DACH2: variants seen among roughly 807,000 people sequenced by gnomAD.
DACH2 encodes the protein dachshund homolog 2.
A neutral mutation model predicts 35.8 loss-of-function variants in DACH2; 17 were observed. The ratio of observed to expected loss-of-function variants is 0.48; its 90% confidence interval spans 0.33 to 0.71. DACH2 has a LOEUF of 0.71. DACH2 is among the 30% of genes least tolerant of loss of function. The pLI, the probability that DACH2 is intolerant of heterozygous loss-of-function variation, is 0.02. For synonymous variants in DACH2, 195 were observed against 177.3 expected, an observed-to-expected ratio of 1.10 and a Z score of -0.79; for missense variants, 469 against 472.7, an observed-to-expected ratio of 0.99 and a Z score of 0.07.
intron 2 of DACH2, among the ~76,000 whole-genome samples, chrX:86,491,248 T>C (rs1347743957): frequency 8.9e-6 from 1 of 111,844 alleles, no homozygotes; most frequent in Non-Finnish European, 1.9e-5. Context: ...TTCAGTCTCA[T>C]GGACATACAT....
chrX:86,194,153 T>C (rs890553460), intron 1 of DACH2, among the ~76,000 whole-genome samples: 1 of 111,332 alleles, frequency 9.0e-6, no homozygotes, highest in African/African-American at 3.3e-5. Flanking sequence ...AATTTGACTA[T>C]TGAAGACTAA....
intron 3 of DACH2, among the ~76,000 whole-genome samples, chrX:86,581,805 C>A (rs1215934072): frequency 9.0e-6 from 1 of 111,180 alleles, no homozygotes; most frequent in Non-Finnish European, 1.9e-5. Flanking sequence ...GACTTTAACA[C>A]CCCACTGAAA....
chrX:86,719,136 C>T (rs1170704081), intron 6 of DACH2, among the ~76,000 whole-genome samples: 6 of 112,019 alleles, frequency 5.4e-5, no homozygotes, highest in Non-Finnish European at 9.4e-5. Context: ...TTTTTGACAT[C>T]TACAATTACT....
chrX:86,167,438 T>A (rs978160686), intron 1 of DACH2, among the ~76,000 whole-genome samples: 6 of 107,217 alleles, frequency 5.6e-5, no homozygotes, highest in African/African-American at 2.2e-4. Flanking sequence ...TTATTGGGAT[T>A]TTCTCTCTTT....
chrX:86,337,973 G>A (rs79941963), intron 1 of DACH2, among the ~76,000 whole-genome samples: 1 of 111,716 alleles, frequency 9.0e-6, no homozygotes, highest in Non-Finnish European at 1.9e-5. Flanking sequence ...AGACAAAGAA[G>A]GGCATTACAT....
At chrX:86,297,838 T>G (rs941002182) in intron 1 of DACH2, among the ~76,000 whole-genome samples, 2 of 112,144 alleles carry the variant, frequency 1.8e-5, no homozygotes, top group African/African-American at 6.5e-5. Flanking sequence ...TTTTCCAAAC[T>G]GGAACACTTT....
At chrX:86,233,546 T>C (rs766328116) in intron 1 of DACH2, among the ~76,000 whole-genome samples, 5 of 111,649 alleles carry the variant, frequency 4.5e-5, no homozygotes, top group Non-Finnish European at 9.4e-5. Context: ...CAAGAGTTAA[T>C]CTCATCTGCT....
intron 3 of DACH2, among the ~76,000 whole-genome samples, chrX:86,606,426 AATTAATTTTTTCATTGACCCAC>A (rs2148363470): frequency 9.5e-6 from 1 of 104,776 alleles, no homozygotes; most frequent in South Asian, 4.1e-4. Context: ...TCAATTTTTC[AATTAATTTTTTCATTGACCCAC>A]TGGTCATTCA....
At chrX:86,785,491 G>T (rs1331231488) in intron 7 of DACH2, among the ~76,000 whole-genome samples, 1 of 111,672 alleles carries the variant, frequency 9.0e-6, no homozygotes, top group Non-Finnish European at 1.9e-5. Flanking sequence ...AAAACTAAGA[G>T]AATTGACCTT....
chrX:86,757,058 C>T (rs1025805235), intron 7 of DACH2, among the ~76,000 whole-genome samples: 13 of 111,531 alleles, frequency 1.2e-4, no homozygotes, highest in Non-Finnish European at 2.4e-4. Flanking sequence ...TCGTTACATA[C>T]CTGCAATAAA....
intron 2 of DACH2, among the ~76,000 whole-genome samples, chrX:86,401,544 G>A (rs2036432157): frequency 9.0e-6 from 1 of 111,601 alleles, no homozygotes; most frequent in Middle Eastern, 4.7e-3. Flanking sequence ...TATTTCAAAT[G>A]AAATTAATGG....
intron 1 of DACH2, among the ~76,000 whole-genome samples, chrX:86,282,534 A>C (rs2034051473): frequency 9.0e-6 from 1 of 111,328 alleles, no homozygotes; most frequent in African/African-American, 3.3e-5. Flanking sequence ...AACCATAAAA[A>C]CTCTAGAAGG....
chrX:86,176,456 G>A (rs897620512), intron 1 of DACH2, among the ~76,000 whole-genome samples: 5 of 111,218 alleles, frequency 4.5e-5, no homozygotes, highest in Non-Finnish European at 7.6e-5. Flanking sequence ...TGAAAGGCTA[G>A]AGTGTTGGTA....
intron 1 of DACH2, among the ~76,000 whole-genome samples, chrX:86,250,282 G>A (rs1602322990): frequency 1.8e-5 from 2 of 111,507 alleles, no homozygotes; most frequent in South Asian, 3.7e-4. Context: ...AGGAATTAAC[G>A]TAATTGGGAA....
chrX:86,611,441 C>T (rs1216681087), intron 3 of DACH2, among the ~76,000 whole-genome samples: 2 of 111,047 alleles, frequency 1.8e-5, no homozygotes, highest in African/African-American at 3.3e-5. Flanking sequence ...GGGTTACATG[C>T]CCCTTAAGTC....
chrX:86,224,996 T>C (rs1427823487), intron 1 of DACH2, among the ~76,000 whole-genome samples: 1 of 111,849 alleles, frequency 8.9e-6, no homozygotes, highest in East Asian at 2.8e-4. Context: ...GAAATGTTCC[T>C]TGTTAAGAGA....
At chrX:86,646,319 T>C (rs1390991431) in intron 3 of DACH2, among the ~76,000 whole-genome samples, 1 of 109,885 alleles carries the variant, frequency 9.1e-6, no homozygotes, top group Non-Finnish European at 1.9e-5. Context: ...GGGGTGAGGG[T>C]TGAGAAATTA....
At position 86,420,493 on chromosome X, in the gene DACH2, T is replaced by C. The variant is rs1373617755; in HGVS notation, c.527+43631T>C. ...ATGGAGTTTATGCCTTGTCTAATAA[T>C]ATCATAGGTACTGTGCATGTACTTG... On this transcript the variant is annotated intron_variant, in intron 2 of 11. Coordinates refer to ENST00000373125, the MANE Select transcript of DACH2 (RefSeq NM_053281.3). 4.5e-5 allele frequency among the ~76,000 whole-genome samples: 5 copies of C among 110,809 alleles called. No individual in the cohort carries two copies. The East Asian group carries it at 1.2e-3, about 26-fold the overall frequency.
intron 3 of DACH2, among the ~76,000 whole-genome samples, chrX:86,524,201 C>T (rs12855440): frequency 8.9e-6 from 1 of 111,978 alleles, no homozygotes; most frequent in Non-Finnish European, 1.9e-5. Flanking sequence ...CACCTCTATC[C>T]TGAGTTGTGA....
Sources: allele counts gnomAD v4.1 joint callset (sites outside exome capture counted in the v4.1 genomes callset), GRCh38; gene constraint gnomAD v4.1.1; transcripts MANE v1.5; gene names NCBI Gene and HGNC (gene_info 2026-07-23, HGNC 2026-07-21).